DOCK1: variants seen among roughly 807,000 people sequenced by gnomAD.
The protein encoded by DOCK1 is dedicator of cytokinesis 1.
Under a neutral mutation model 262.7 loss-of-function variants are expected in DOCK1, and 138 were observed. The observed-to-expected ratio is 0.53, with a 90% CI of 0.46 to 0.61. The LOEUF (loss-of-function observed/expected upper bound fraction) is 0.61. Among genes scored for constraint, DOCK1 ranks in the 20% least tolerant of loss-of-function variants. The pLI is 0.00. For missense variants in DOCK1, 1,908 were observed against 2,370.7 expected (o/e 0.80, Z 4.05); for synonymous variants, 866 against 867.4 (o/e 1.00, Z 0.03).
intron 27 of DOCK1, among the ~76,000 whole-genome samples, chr10:127,144,536 AC>A (rs766833423): frequency 2.6e-5 from 4 of 152,198 alleles, no homozygotes; most frequent in Non-Finnish European, 5.9e-5. Context: ...GATGAACTGA[AC>A]CAAATCCCCT....
At chr10:127,150,842 C>T (rs1162234900) in intron 27 of DOCK1, among the ~76,000 whole-genome samples, 2 of 152,142 alleles carry the variant, frequency 1.3e-5, no homozygotes, top group African/African-American at 4.8e-5. Flanking sequence ...GGACTTTGCT[C>T]CACTTTAAAG....
chr10:127,072,579 G>A (rs2046292923), intron 23 of DOCK1, among the ~76,000 whole-genome samples: 1 of 152,208 alleles, frequency 6.6e-6, no homozygotes, highest in African/African-American at 2.4e-5. Context: ...TAGTCACCAT[G>A]AGGTGCTTGG....
At chr10:127,171,011 G>C (rs2133830513) in intron 27 of DOCK1, among the ~76,000 whole-genome samples, 1 of 152,282 alleles carries the variant, frequency 6.6e-6, no homozygotes, top group East Asian at 1.9e-4. Context: ...TGAAATGCTC[G>C]TAACAGGATA....
intron 23 of DOCK1, among the ~76,000 whole-genome samples, chr10:127,076,286 G>C (rs2046535887): frequency 6.6e-6 from 1 of 152,312 alleles, no homozygotes; most frequent in Non-Finnish European, 1.5e-5. Flanking sequence ...CGGATCACAA[G>C]GTCAGTAGAT....
intron 29 of DOCK1, among the ~76,000 whole-genome samples, chr10:127,290,455 T>C (rs960527543): frequency 1.3e-5 from 2 of 152,224 alleles, no homozygotes; most frequent in Admixed American, 6.5e-5. Context: ...TCCACAGTTA[T>C]GAGAAATAAT....
chr10:126,950,161 A>T (rs2036080641), intron 1 of DOCK1, among the ~76,000 whole-genome samples: 1 of 152,102 alleles, frequency 6.6e-6, no homozygotes. Flanking sequence ...AGAAGCAGTC[A>T]GTGGCTGTTC....
intron 27 of DOCK1, among the ~76,000 whole-genome samples, chr10:127,245,201 G>C (rs575124405): frequency 6.6e-6 from 1 of 152,162 alleles, no homozygotes; most frequent in African/African-American, 2.4e-5. Context: ...CAGGGAGGAA[G>C]GGGAGGGGCA....
In DOCK1 at chr10:127,380,892, C is replaced by A. The variant is rs189306675; in HGVS notation, c.3717-386C>A. On this transcript the variant is annotated intron_variant, in intron 36 of 51. Transcript: ENST00000623213. Reference sequence around the variant, plus strand: ...TTTATTTCTTTATGGCAAAGAAATTCTTTCGATCACATTGACTGTAATCAT... The same window carrying A: ...TTTATTTCTTTATGGCAAAGAAATTATTTCGATCACATTGACTGTAATCAT... 1.1e-3 allele frequency among the ~76,000 whole-genome samples: 171 copies of A among 152,244 alleles called. 1 individual carries two copies. The highest frequency in any genetic ancestry group is 4.0e-3 in the African/African-American group (165 of 41,546).
intron 29 of DOCK1, among the ~76,000 whole-genome samples, chr10:127,320,434 G>A (rs1409737345): frequency 5.3e-5 from 8 of 152,116 alleles, no homozygotes; most frequent in Admixed American, 3.3e-4. Flanking sequence ...CCTTGAGCGC[G>A]GCCACGTGGC....
At chr10:127,324,154 G>T (rs1450123705) in intron 29 of DOCK1, among the ~76,000 whole-genome samples, 1 of 152,190 alleles carries the variant, frequency 6.6e-6, no homozygotes, top group East Asian at 1.9e-4. Context: ...CACGGTGGGG[G>T]AGAATCCGCT....
chr10:127,257,676 C>G (rs2059875524), intron 29 of DOCK1: 1 of 364,092 alleles, frequency 2.7e-6, no homozygotes, highest in Non-Finnish European at 5.2e-6. Flanking sequence ...CAGCCTGAAG[C>G]TGGATCTCCC....
chr10:127,375,688 G>A (rs926230515), intron 35 of DOCK1, among the ~76,000 whole-genome samples: 4 of 152,168 alleles, frequency 2.6e-5, no homozygotes, highest in South Asian at 2.1e-4. Context: ...AGCAGTCTTC[G>A]CCCCTTCATT....
At chr10:127,383,178 T>C (rs954212603) in intron 37 of DOCK1, among the ~76,000 whole-genome samples, 4 of 152,216 alleles carry the variant, frequency 2.6e-5, no homozygotes, top group African/African-American at 9.6e-5. Flanking sequence ...GTTAGGCATA[T>C]CTTTCGTCAA....
intron 32 of DOCK1, among the ~76,000 whole-genome samples, chr10:127,357,746 C>G (rs1348120271): frequency 3.3e-5 from 5 of 152,134 alleles, no homozygotes; most frequent in Admixed American, 3.3e-4. Flanking sequence ...CAGTCAGCCA[C>G]CAGACTTGGG....
chr10:126,955,742 C>T (rs1336190358), intron 1 of DOCK1, among the ~76,000 whole-genome samples: 11 of 152,098 alleles, frequency 7.2e-5, no homozygotes, highest in African/African-American at 1.7e-4. Context: ...GTATTCCTGC[C>T]GAGTGGTCAC....
At chr10:127,149,807 A>G (rs968132584) in intron 27 of DOCK1, among the ~76,000 whole-genome samples, 1 of 152,168 alleles carries the variant, frequency 6.6e-6, no homozygotes, top group Non-Finnish European at 1.5e-5. Context: ...TTATTTTGAA[A>G]TTCCTTTAAG....
chr10:127,025,420 T>C (rs1186998748), intron 15 of DOCK1, among the ~76,000 whole-genome samples: 4 of 152,138 alleles, frequency 2.6e-5, no homozygotes, highest in Admixed American at 6.5e-5. Context: ...ATATAGACCC[T>C]TCCAGGTTGG....
At chr10:127,429,622 A>T (rs186251951) in intron 47 of DOCK1, among the ~76,000 whole-genome samples, 36 of 152,326 alleles carry the variant, frequency 2.4e-4, no homozygotes, top group African/African-American at 6.0e-4. Context: ...CTCGATACCC[A>T]GGCCCCTCTG....
intron 23 of DOCK1, among the ~76,000 whole-genome samples, chr10:127,065,939 C>G (rs560792788): frequency 2.0e-5 from 3 of 152,216 alleles, no homozygotes; most frequent in African/African-American, 7.2e-5. Flanking sequence ...GAGAAGCCCA[C>G]CTGCTGTGCA....
Sources: allele counts gnomAD v4.1 joint callset (sites outside exome capture counted in the v4.1 genomes callset), GRCh38; gene constraint gnomAD v4.1.1; transcripts MANE v1.5; gene names NCBI Gene and HGNC (gene_info 2026-07-23, HGNC 2026-07-21).